SIL1: variants seen among roughly 807,000 people sequenced by gnomAD.
SIL1 encodes SIL1 nucleotide exchange factor, also known as nucleotide exchange factor SIL1.
Under a neutral mutation model 49.1 loss-of-function variants are expected in SIL1, and 40 were observed. That is an observed-to-expected ratio of 0.81 (90% CI 0.63 to 1.06). The LOEUF (loss-of-function observed/expected upper bound fraction) is 1.06. Ranked by LOEUF, SIL1 falls within the 50% of genes least tolerant of loss-of-function variation. The probability of loss-of-function intolerance (pLI) is 0.00; values close to 1 mark genes in which losing one functional copy is unlikely to be tolerated. For missense variants in SIL1, 500 were observed against 572.6 expected (o/e 0.87, Z 1.29); for synonymous variants, 253 against 250.8 (o/e 1.01, Z -0.08).
chr5:139,000,109 T>A (rs1767955707), intron 7 of SIL1, among the ~76,000 whole-genome samples: 3 of 152,200 alleles, frequency 2.0e-5, no homozygotes, highest in Non-Finnish European at 4.4e-5. Context: ...GTCTGTCATA[T>A]ATGGCCTTTA....
chr5:139,075,652 G>A (rs922024088), intron 3 of SIL1, among the ~76,000 whole-genome samples: 3 of 152,190 alleles, frequency 2.0e-5, no homozygotes, highest in African/African-American at 7.2e-5. Context: ...GTGTGTTTAT[G>A]GGGAATAAAT....
intron 4 of SIL1, among the ~76,000 whole-genome samples, chr5:139,044,070 T>C (rs1008026547): frequency 6.6e-6 from 1 of 152,214 alleles, no homozygotes; most frequent in Non-Finnish European, 1.5e-5. Flanking sequence ...AGAAGAACAC[T>C]CGTCTTCTCT....
At position 139,057,216 on chromosome 5, in the gene SIL1, A is replaced by G. The variant is rs559885511; in HGVS notation, c.245-6170T>C. Among the ~76,000 whole-genome samples the G allele has an allele frequency of 3.7e-4, 56 of 149,736 alleles. No homozygotes were observed. In the East Asian group the frequency reaches 8.7e-3, roughly 23 times the overall value. The stretch of plus-strand genomic sequence containing the variant: ...AGAGTCCTCTGCCTAGGAAAACCAG[A>G]GACCTTTGTTCACTTGTTTATCTGC... On this transcript the variant is annotated intron_variant, in intron 3 of 9. Coordinates refer to ENST00000394817, the MANE Select transcript of SIL1 (RefSeq NM_022464.5).
intron 7 of SIL1, among the ~76,000 whole-genome samples, chr5:139,003,973 C>T (rs892536947): frequency 1.3e-5 from 2 of 152,004 alleles, no homozygotes; most frequent in African/African-American, 4.8e-5. Flanking sequence ...GAGTGGAACA[C>T]CAAGAGAGGA....
chr5:139,004,571 A>G (rs1213844918), intron 7 of SIL1, among the ~76,000 whole-genome samples: 5 of 151,994 alleles, frequency 3.3e-5, no homozygotes, highest in Non-Finnish European at 7.4e-5. Context: ...ACTTTAGGTA[A>G]TTTCTTCCAT....
intron 1 of SIL1, among the ~76,000 whole-genome samples, chr5:139,165,453 A>G (rs558494195): frequency 7.9e-5 from 12 of 152,106 alleles, no homozygotes; most frequent in African/African-American, 2.9e-4. Flanking sequence ...GGTTCAAGCA[A>G]TTCTCATGCC....
intron 3 of SIL1, among the ~76,000 whole-genome samples, chr5:139,053,925 T>C (rs1769347669): frequency 6.6e-6 from 1 of 152,236 alleles, no homozygotes; most frequent in South Asian, 2.1e-4. Context: ...TGAATATAAA[T>C]GCTCACCATT....
At chr5:139,024,076 A>C (rs1471064311) in intron 6 of SIL1, among the ~76,000 whole-genome samples, 1 of 152,230 alleles carries the variant, frequency 6.6e-6, no homozygotes, top group Non-Finnish European at 1.5e-5. Flanking sequence ...ATGCTAGCCC[A>C]AGCCTCCTGT....
At chr5:139,003,373 C>T (rs1768032738) in intron 7 of SIL1, among the ~76,000 whole-genome samples, 1 of 152,094 alleles carries the variant, frequency 6.6e-6, no homozygotes, top group African/African-American at 2.4e-5. Flanking sequence ...TGCTTGGCTG[C>T]AGCAGTTTGG....
intron 1 of SIL1, among the ~76,000 whole-genome samples, chr5:139,180,479 C>A (rs1751964289): frequency 6.6e-6 from 1 of 151,910 alleles, no homozygotes; most frequent in African/African-American, 2.4e-5. Context: ...ATCTATTAGC[C>A]CCACTCTGCT....
intron 1 of SIL1, among the ~76,000 whole-genome samples, chr5:139,177,529 C>T (rs544712281): frequency 3.5e-4 from 54 of 152,182 alleles, no homozygotes; most frequent in Non-Finnish European, 5.6e-4. Context: ...TGAGCCACCG[C>T]GCCCAGCCGA....
At chr5:139,066,389 C>T (rs1402598038) in intron 3 of SIL1, among the ~76,000 whole-genome samples, 2 of 151,808 alleles carry the variant, frequency 1.3e-5, no homozygotes, top group African/African-American at 4.8e-5. Flanking sequence ...TGGAGTCTTG[C>T]TCTGCCACCC....
chr5:139,028,768 T>C (rs1253172741), intron 5 of SIL1, among the ~76,000 whole-genome samples: 3 of 152,232 alleles, frequency 2.0e-5, no homozygotes, highest in African/African-American at 4.8e-5. Flanking sequence ...CTCACTTACA[T>C]GTATGTGTGT....
At chr5:139,083,367 C>G (rs1770136273) in intron 3 of SIL1, among the ~76,000 whole-genome samples, 1 of 151,098 alleles carries the variant, frequency 6.6e-6, no homozygotes. Flanking sequence ...TTAATGATTG[C>G]CATTCTAACT....
intron 7 of SIL1, among the ~76,000 whole-genome samples, chr5:138,952,860 C>T (rs1186983464): frequency 6.6e-6 from 1 of 152,246 alleles, no homozygotes; most frequent in Non-Finnish European, 1.5e-5. Context: ...CACAGGATGC[C>T]CTTTTGCAGG....
intron 3 of SIL1, among the ~76,000 whole-genome samples, chr5:139,104,633 A>G (rs951350275): frequency 6.6e-6 from 1 of 152,222 alleles, no homozygotes; most frequent in Admixed American, 6.5e-5. Flanking sequence ...TGGAGGCCTC[A>G]ACGACCCTGA....
At chr5:139,085,671 G>T (rs900010984) in intron 3 of SIL1, among the ~76,000 whole-genome samples, 1 of 152,160 alleles carries the variant, frequency 6.6e-6, no homozygotes, top group Non-Finnish European at 1.5e-5. Context: ...AAGTTTGGAG[G>T]GAAATTATCA....
chr5:139,187,157 G>A (rs1260958907), intron 1 of SIL1, among the ~76,000 whole-genome samples: 1 of 152,136 alleles, frequency 6.6e-6, no homozygotes, highest in African/African-American at 2.4e-5. Context: ...TAATAAAGGT[G>A]TTGCAATGGG....
chr5:139,017,859 A>G (rs943634325), intron 7 of SIL1, among the ~76,000 whole-genome samples: 2 of 152,190 alleles, frequency 1.3e-5, no homozygotes, highest in Non-Finnish European at 2.9e-5. Context: ...GCAGACAGAC[A>G]CACACAAGTG....
Sources: allele counts gnomAD v4.1 joint callset (sites outside exome capture counted in the v4.1 genomes callset), GRCh38; gene constraint gnomAD v4.1.1; transcripts MANE v1.5; gene names NCBI Gene and HGNC (gene_info 2026-07-23, HGNC 2026-07-21).